Variants in SYT1 observed in about 807,000 individuals in gnomAD.
SYT1 encodes the protein synaptotagmin 1.
A neutral mutation model predicts 44.8 loss-of-function variants in SYT1; 8 were observed. The ratio of observed to expected loss-of-function variants is 0.18; its 90% confidence interval spans 0.10 to 0.32. The LOEUF (loss-of-function observed/expected upper bound fraction) is 0.32. SYT1 is among the 10% of genes least tolerant of loss of function. The probability of loss-of-function intolerance (pLI) is 1.00; values close to 1 mark genes in which losing one functional copy is unlikely to be tolerated. For missense variants in SYT1, 286 were observed against 509.3 expected (o/e 0.56, Z 4.22); for synonymous variants, 154 against 188.8 (o/e 0.82, Z 1.51).
intron 2 of SYT1, among the ~76,000 whole-genome samples, chr12:78,989,942 T>G (rs1869906444): frequency 6.6e-6 from 1 of 152,136 alleles, no homozygotes; most frequent in African/African-American, 2.4e-5. Flanking sequence ...TAAAACTCTA[T>G]GTGGCTACTG....
At chr12:79,233,346 T>C (rs1379878780) in intron 4 of SYT1, among the ~76,000 whole-genome samples, 5 of 152,254 alleles carry the variant, frequency 3.3e-5, no homozygotes. Context: ...GTGTTTTCAC[T>C]GAGACAGTTC....
chr12:78,968,785 A>G (rs1868307326), intron 1 of SYT1, among the ~76,000 whole-genome samples: 1 of 152,172 alleles, frequency 6.6e-6, no homozygotes, highest in South Asian at 2.1e-4. Flanking sequence ...CAGACATAAT[A>G]TCTAAGCTCA....
chr12:79,002,365 T>A (rs956699933), intron 2 of SYT1, among the ~76,000 whole-genome samples: 9 of 152,262 alleles, frequency 5.9e-5, no homozygotes, highest in African/African-American at 2.2e-4. Flanking sequence ...TTACTTGCTC[T>A]TAGCTGAAAT....
chr12:79,060,418 C>T (rs1875294140), intron 3 of SYT1, among the ~76,000 whole-genome samples: 1 of 151,754 alleles, frequency 6.6e-6, no homozygotes, highest in African/African-American at 2.4e-5. Context: ...CATCAGCCAC[C>T]CTCAGAATTT....
chr12:78,910,388 T>C lies in SYT1; in HGVS notation c.-217+45279T>C, dbSNP rs138066540. On this transcript the variant is annotated intron_variant, in intron 1 of 10. Coordinates refer to ENST00000261205, the MANE Select transcript of SYT1 (RefSeq NM_005639.3). ...AAACATTCAATTTCTGCCTACTGCC[T>C]TGTACTAAACCTGGGTTAACTTTTT... Among the ~76,000 whole-genome samples the C allele has an allele frequency of 3.3e-5, 5 of 152,110 alleles. No homozygotes were observed. In the East Asian group the frequency reaches 9.7e-4, roughly 30 times the overall value.
Position 79,449,135 on chromosome 12 carries a change from A to C in SYT1, c.*11A>C, listed in dbSNP as rs1263333715. ...GCCGTCAAGAAGTAAAGGAAAGAAG[A>C]AGCCTTTCTGCATTTGCCCATATAG... On this transcript the variant is annotated 3_prime_UTR_variant, in exon 11 of 11. Coordinates refer to ENST00000261205, the MANE Select transcript of SYT1 (RefSeq NM_005639.3). 6.3e-7 allele frequency: 1 copy of C among 1,592,722 alleles called. No homozygotes were observed. Among genetic ancestry groups the C allele is most frequent in the Admixed American group, 1.8e-5 (1 of 55,864 alleles).
chr12:79,001,180 C>T (rs1870714834), intron 2 of SYT1, among the ~76,000 whole-genome samples: 1 of 151,838 alleles, frequency 6.6e-6, no homozygotes. Flanking sequence ...AACCAGTTTA[C>T]CTATTTTACA....
chr12:79,381,975 G>T (rs908213118), intron 9 of SYT1, among the ~76,000 whole-genome samples: 1 of 152,142 alleles, frequency 6.6e-6, no homozygotes, highest in Admixed American at 6.5e-5. Context: ...AGGTTTTTAC[G>T]TGAGAATGGA....
intron 8 of SYT1, among the ~76,000 whole-genome samples, chr12:79,340,652 C>G (rs140686880): frequency 0.023 from 3,487 of 152,218 alleles, 52 homozygotes; most frequent in Middle Eastern, 0.065. Flanking sequence ...AATTGAATAC[C>G]CTTTATTTCT....
chr12:78,886,582 T>A (rs1249332284), intron 1 of SYT1, among the ~76,000 whole-genome samples: 2 of 151,990 alleles, frequency 1.3e-5, no homozygotes, highest in African/African-American at 4.8e-5. Context: ...CCTGTGATGA[T>A]CTATATTTTA....
chr12:79,044,629 G>C (rs554789929), intron 2 of SYT1, among the ~76,000 whole-genome samples: 2 of 149,478 alleles, frequency 1.3e-5, no homozygotes, highest in Non-Finnish European at 3.0e-5. Context: ...CTCTCAGCTC[G>C]TCAAAGTCAT....
chr12:79,140,828 A>T (rs2042146805), intron 3 of SYT1, among the ~76,000 whole-genome samples: 1 of 152,212 alleles, frequency 6.6e-6, no homozygotes, highest in African/African-American at 2.4e-5. Context: ...AGGCTAACAG[A>T]TTGCCAGCAC....
intron 5 of SYT1, among the ~76,000 whole-genome samples, chr12:79,289,890 GTTTTTTTTT>G (rs5799424): frequency 7.4e-6 from 1 of 135,200 alleles, no homozygotes. Context: ...AAACTCAGTA[GTTTTTTTTT>G]TTTTTTTTGT....
At chr12:78,864,008 C>T (rs1347806406), upstream of SYT1, 1 of 152,240 alleles carries the variant, frequency 6.6e-6, no homozygotes, top group African/African-American at 2.4e-5. Flanking sequence ...GGCTCCACCG[C>T]ACCCTTCGCG....
intron 4 of SYT1, among the ~76,000 whole-genome samples, chr12:79,220,168 C>T (rs1875068949): frequency 6.6e-6 from 1 of 152,040 alleles, no homozygotes; most frequent in East Asian, 1.9e-4. Context: ...TATCAAGGAA[C>T]GTATCCATGT....
At chr12:78,914,154 C>T (rs1435011149) in intron 1 of SYT1, among the ~76,000 whole-genome samples, 1 of 151,534 alleles carries the variant, frequency 6.6e-6, no homozygotes, top group Admixed American at 6.6e-5. Context: ...AATCAAAATT[C>T]TGAGGATATA....
At chr12:79,273,462 T>C (rs1278381630) in intron 4 of SYT1, among the ~76,000 whole-genome samples, 1 of 152,074 alleles carries the variant, frequency 6.6e-6, no homozygotes, top group Non-Finnish European at 1.5e-5. Context: ...ACAGAAAAAG[T>C]GAAAGAAACT....
chr12:79,257,406 G>T (rs914358816), intron 4 of SYT1, among the ~76,000 whole-genome samples: 2 of 152,218 alleles, frequency 1.3e-5, no homozygotes, highest in Non-Finnish European at 2.9e-5. Flanking sequence ...CACTTTTGGT[G>T]CAGAACAAAA....
At chr12:78,889,031 C>A (rs1874900761) in intron 1 of SYT1, among the ~76,000 whole-genome samples, 1 of 151,834 alleles carries the variant, frequency 6.6e-6, no homozygotes, top group Non-Finnish European at 1.5e-5. Flanking sequence ...AGACTACTAT[C>A]AATTTTTATC....
Sources: allele counts gnomAD v4.1 joint callset (sites outside exome capture counted in the v4.1 genomes callset), GRCh38; gene constraint gnomAD v4.1.1; transcripts MANE v1.5; gene names NCBI Gene and HGNC (gene_info 2026-07-23, HGNC 2026-07-21).